Variants in ABCB5 observed in about 807,000 individuals in gnomAD.
ABCB5 encodes the protein ATP-binding cassette sub-family B member 5.
ABCB5 carries 155 observed loss-of-function variants against 144.2 expected under a neutral mutation model. The ratio of observed to expected loss-of-function variants is 1.08; its 90% CI spans 0.94 to 1.23. ABCB5 has a LOEUF of 1.23. Ranked by LOEUF, ABCB5 falls within the 50% of genes most tolerant of loss-of-function variation. ABCB5 has a pLI of 0.00. For missense variants in ABCB5, 1,830 were observed against 1,520.8 expected (o/e 1.20, Z -3.38); for synonymous variants, 610 against 528.6 (o/e 1.15, Z -2.11).
chr7:20,660,184 C>T (rs1407995062), intron 14 of ABCB5: 1 of 981,908 alleles, frequency 1.0e-6, no homozygotes, highest in African/African-American at 1.8e-5. Flanking sequence ...AAACATCTAT[C>T]AAAAGTGAAA....
At position 20,742,952 on chromosome 7, in the gene ABCB5, C is replaced by T. The variant is rs763028514; in HGVS notation, c.3100C>T (p.Arg1034Cys). The T allele has an allele frequency of 1.0e-4, 161 of 1,614,028 alleles. No homozygotes were observed. The Admixed American group carries it at 2.3e-3, about 23-fold the overall frequency. Residue 1034 changes from arginine to cysteine, a missense_variant, in exon 25 of 28, where the codon CGT (arginine) becomes TGT (cysteine). Coordinates refer to ENST00000404938, the MANE Select transcript of ABCB5 (RefSeq NM_001163941.2). Reference protein sequence around the residue: ...YPCRPDVFILRGLSLSIERGK... With the variant: ...YPCRPDVFILCGLSLSIERGK... ...ATGTCGCCCAGATGTTTTCATCCTC[C>T]GTGGCTTATCCCTCAGTATTGAGCG...
At position 20,717,918 on chromosome 7, in the gene ABCB5, T is replaced by A. The variant is rs868673627; in HGVS notation, c.2422-5098T>A. ...TTTTTTTTTTTTTTTTTTTTTTTTT[T>A]TGATACAGAGCCTCGCTCTGTCGCC... On this transcript the variant is annotated intron_variant, in intron 20 of 27. Coordinates refer to ENST00000404938, the MANE Select transcript of ABCB5 (RefSeq NM_001163941.2). Among the ~76,000 whole-genome samples, 143 of 103,168 alleles carry A rather than the reference T, an allele frequency of 1.4e-3. 4 individuals carry two copies. The highest frequency in any genetic ancestry group is 5.0e-3 in the African/African-American group (129 of 25,748). The allele number at this position is 103,168 out of a possible 152,430, so 67.7% of individuals were successfully genotyped here. A position where few individuals can be genotyped will look rare whatever the true frequency, so the allele number is the denominator to read the frequency against.
At chr7:20,669,155 G>A (rs1339529274) in intron 14 of ABCB5, among the ~76,000 whole-genome samples, 4 of 149,698 alleles carry the variant, frequency 2.7e-5, no homozygotes, top group Admixed American at 1.3e-4. Context: ...GGTGAGGGGC[G>A]CTTCTGCCCG....
rs568156520 is a variant in ABCB5 at position 20,756,949 on chromosome 7, C to T, written c.*1325C>T. 1.3e-5 allele frequency: 2 copies of T among 152,222 alleles called. No individual in the cohort carries two copies. Among genetic ancestry groups the T allele is most frequent in the African/African-American group, 2.4e-5 (1 of 41,408 alleles). The allele number at this position is 152,222 out of a possible 1,614,324, so 9.4% of individuals were successfully genotyped here. On this transcript the variant is annotated 3_prime_UTR_variant, in exon 28 of 28. Transcript: ENST00000404938. ...AAATCTTGTTAAACAAAATTAAAAC[C>T]ATTTATATATTATGCTGCTTTCTTT...
intron 23 of ABCB5, among the ~76,000 whole-genome samples, chr7:20,731,628 A>T (rs1044000763): frequency 6.6e-6 from 1 of 152,148 alleles, no homozygotes; most frequent in African/African-American, 2.4e-5. Flanking sequence ...TAATATCTCA[A>T]TGTGTTCAAA....
At chr7:20,689,371 A>C (rs909459865) in intron 16 of ABCB5, among the ~76,000 whole-genome samples, 5 of 152,122 alleles carry the variant, frequency 3.3e-5, no homozygotes, top group African/African-American at 1.2e-4. Context: ...AAGGGTGGCA[A>C]GGGAGACCTT....
intron 23 of ABCB5, among the ~76,000 whole-genome samples, chr7:20,735,156 C>G (rs1250972248): frequency 1.3e-5 from 2 of 152,084 alleles, no homozygotes; most frequent in Non-Finnish European, 1.5e-5. Flanking sequence ...TATGGCAGCC[C>G]TCAATACAGT....
chr7:20,663,515 C>T (rs183450597), intron 14 of ABCB5, among the ~76,000 whole-genome samples: 57 of 152,088 alleles, frequency 3.7e-4, no homozygotes, highest in Middle Eastern at 3.4e-3. Context: ...TAATTCTGCT[C>T]ACATGAGATA....
At chr7:20,616,618 A>G (rs1329197396) in intron 1 of ABCB5, among the ~76,000 whole-genome samples, 5 of 152,240 alleles carry the variant, frequency 3.3e-5, no homozygotes, top group African/African-American at 1.2e-4. Flanking sequence ...GTCAATAAGT[A>G]AGAATTGGCT....
chr7:20,674,908 A>G (rs1785557135), intron 14 of ABCB5, among the ~76,000 whole-genome samples: 1 of 151,898 alleles, frequency 6.6e-6, no homozygotes, highest in South Asian at 2.1e-4. Flanking sequence ...CCCATTTGCA[A>G]CAGTATCAAA....
chr7:20,755,936 G>A lies in ABCB5; in HGVS notation c.*312G>A. 1 of 312,886 alleles carries A rather than the reference G, an allele frequency of 3.2e-6. No individual in the cohort carries two copies. 19.4% of individuals were successfully genotyped at this position (312,886 alleles called of 1,614,324 possible). On this transcript the variant is annotated 3_prime_UTR_variant, in exon 28 of 28. Coordinates refer to ENST00000404938, the MANE Select transcript of ABCB5 (RefSeq NM_001163941.2). ...CCCATCAACTTCTGCTATAAAATCG[G>A]AAATATGTTTCCAGGGGGAATATTA...
chr7:20,713,919 A>G (rs1195297190), intron 20 of ABCB5, among the ~76,000 whole-genome samples: 3 of 152,004 alleles, frequency 2.0e-5, no homozygotes, highest in Non-Finnish European at 4.4e-5. Context: ...TGCAAACTCT[A>G]GCTGACTTAG....
At chr7:20,720,535 T>TTACCA (rs1781825712) in intron 20 of ABCB5, among the ~76,000 whole-genome samples, 1 of 151,710 alleles carries the variant, frequency 6.6e-6, no homozygotes, top group Non-Finnish European at 1.5e-5. Context: ...ATCACTTCTC[T>TTACCA]AAGATGCATA....
In ABCB5 at chr7:20,643,578, A is replaced by G. The variant is rs1456203140; in HGVS notation, c.624A>G (p.Leu208=). The G allele has an allele frequency of 1.2e-6, 2 of 1,613,814 alleles. No homozygotes were observed. The highest frequency in any genetic ancestry group is 2.2e-5 in the East Asian group (1 of 44,882). ...VGLVKGWKLT[L]VTLSTSPLIM... ...TGGTGAAGGGCTGGAAACTCACCCT[A>G]GTGACTCTATCCACGTCTCCTCTTA... Residue 208 remains leucine (L), a synonymous_variant, in exon 7 of 28, where the codon CTA becomes CTG. Coordinates refer to ENST00000404938, the MANE Select transcript of ABCB5 (RefSeq NM_001163941.2).
At chr7:20,661,932 A>C (rs1159277430) in intron 14 of ABCB5, among the ~76,000 whole-genome samples, 1 of 152,158 alleles carries the variant, frequency 6.6e-6, no homozygotes, top group Non-Finnish European at 1.5e-5. Flanking sequence ...TCAGTGAATA[A>C]AGGTTCATGT....
At chr7:20,742,647 C>T (rs1782597160) in intron 24 of ABCB5, among the ~76,000 whole-genome samples, 1 of 152,194 alleles carries the variant, frequency 6.6e-6, no homozygotes. Flanking sequence ...TTTTTAGAAA[C>T]TCAGTGAAGT....
At chr7:20,739,874 G>C (rs1398203714) in intron 24 of ABCB5, among the ~76,000 whole-genome samples, 26 of 152,062 alleles carry the variant, frequency 1.7e-4, no homozygotes, top group Non-Finnish European at 1.5e-5. Context: ...AACTCTAAAA[G>C]ACTGTGAATA....
intron 24 of ABCB5, among the ~76,000 whole-genome samples, chr7:20,742,327 T>C (rs1055177798): frequency 1.3e-5 from 2 of 151,760 alleles, no homozygotes; most frequent in Non-Finnish European, 2.9e-5. Context: ...TGAGCCGAGA[T>C]CACACCACTG....
chr7:20,651,103 T>G lies in ABCB5; in HGVS notation c.1333-317T>G, dbSNP rs544843280. On this transcript the variant is annotated intron_variant, in intron 12 of 27. Transcript: ENST00000404938. ...TCACATCCAAAACTGAAGTTTTTTG[T>G]ATGTGTCTACATAATAACATTTGCG... Among the ~76,000 whole-genome samples, 8 of 152,312 alleles carry G rather than the reference T, an allele frequency of 5.3e-5. No individual in the cohort carries two copies. The South Asian group carries it at 1.7e-3, about 32-fold the overall frequency.
Sources: allele counts gnomAD v4.1 joint callset (sites outside exome capture counted in the v4.1 genomes callset), GRCh38; gene constraint gnomAD v4.1.1; transcripts MANE v1.5; gene names NCBI Gene and HGNC (gene_info 2026-07-23, HGNC 2026-07-21).